Variants in RIT2 observed in about 807,000 individuals in gnomAD.
RIT2 encodes Ras like without CAAX 2.
A neutral mutation model predicts 23.7 loss-of-function variants in RIT2; 24 were observed. The ratio of observed to expected loss-of-function variants is 1.01; its 90% CI spans 0.73 to 1.43. The LOEUF is 1.43. RIT2 is among the 40% of genes most tolerant of loss of function. The pLI is 0.00. For missense variants in RIT2, 236 were observed against 266.9 expected (o/e 0.88, Z 0.81); for synonymous variants, 107 against 91.1 (o/e 1.17, Z -0.99).
intron 4 of RIT2, among the ~76,000 whole-genome samples, chr18:42,836,774 T>A (rs1906617245): frequency 6.6e-6 from 1 of 152,140 alleles, no homozygotes; most frequent in Non-Finnish European, 1.5e-5. Context: ...GTTTCCCATC[T>A]CCCTTCAGAA....
intron 4 of RIT2, among the ~76,000 whole-genome samples, chr18:42,770,125 C>A (rs750898736): frequency 2.0e-5 from 3 of 151,800 alleles, no homozygotes; most frequent in African/African-American, 7.3e-5. Context: ...GGGGCATACA[C>A]GGAGGAAAGG....
At chr18:43,036,775 A>G (rs1045314758) in intron 1 of RIT2, among the ~76,000 whole-genome samples, 6 of 152,184 alleles carry the variant, frequency 3.9e-5, no homozygotes, top group Non-Finnish European at 7.3e-5. Context: ...ATTGATTTGT[A>G]TAAGTTTCTT....
At chr18:42,878,420 C>T (rs1907800409) in intron 4 of RIT2, among the ~76,000 whole-genome samples, 1 of 151,830 alleles carries the variant, frequency 6.6e-6, no homozygotes, top group Non-Finnish European at 1.5e-5. Context: ...GTCTTCATCT[C>T]TTTCTTGTCT....
chr18:42,910,262 T>C (rs760678961), intron 4 of RIT2, among the ~76,000 whole-genome samples: 1 of 152,118 alleles, frequency 6.6e-6, no homozygotes, highest in Non-Finnish European at 1.5e-5. Context: ...TCAGTAATTA[T>C]TTAATTTAAC....
At chr18:42,897,228 C>A in intron 4 of RIT2, among the ~76,000 whole-genome samples, 1 of 152,162 alleles carries the variant, frequency 6.6e-6, no homozygotes, top group East Asian at 1.9e-4. Context: ...CCTCCCAACA[C>A]ACTAGTTACA....
intron 4 of RIT2, among the ~76,000 whole-genome samples, chr18:42,866,367 G>T (rs1907469871): frequency 6.6e-6 from 1 of 152,048 alleles, no homozygotes; most frequent in Non-Finnish European, 1.5e-5. Flanking sequence ...CAGACAAGTG[G>T]TCTGTGAACA....
intron 1 of RIT2, among the ~76,000 whole-genome samples, chr18:43,038,570 C>T (rs779211539): frequency 3.3e-4 from 50 of 151,934 alleles, no homozygotes; most frequent in Non-Finnish European, 6.2e-4. Context: ...TTTGTCTTTT[C>T]CTACAATTTC....
intron 2 of RIT2, among the ~76,000 whole-genome samples, chr18:42,991,725 T>C (rs753645791): frequency 2.0e-5 from 3 of 152,118 alleles, no homozygotes; most frequent in Non-Finnish European, 4.4e-5. Context: ...TGGCTCATCC[T>C]GACTCAAAAG....
chr18:42,744,179 C>G (rs1299607501), intron 4 of RIT2, among the ~76,000 whole-genome samples: 4 of 152,066 alleles, frequency 2.6e-5, no homozygotes, highest in Admixed American at 1.3e-4. Context: ...TATAAAATGG[C>G]CCCACCCCAT....
chr18:42,951,550 C>T lies in RIT2; in HGVS notation c.234+22524G>A, dbSNP rs541105773. 9.2e-4 allele frequency among the ~76,000 whole-genome samples: 140 copies of T among 151,770 alleles called. 1 individual carries two copies. Among genetic ancestry groups the T allele is most frequent in the African/African-American group, 3.1e-3 (130 of 41,376 alleles). On this transcript the variant is annotated intron_variant, in intron 3 of 4. Transcript: ENST00000326695. ...TCACACAATATACCCAGGTAATAAA[C>T]CTGCAAATGTACCCACTGAATCTAA...
chr18:42,852,869 T>G (rs1367832642), intron 4 of RIT2, among the ~76,000 whole-genome samples: 1 of 147,090 alleles, frequency 6.8e-6, no homozygotes, highest in Admixed American at 6.9e-5. Flanking sequence ...AGCCTTTCTC[T>G]GTCTCCCAGG....
intron 3 of RIT2, among the ~76,000 whole-genome samples, chr18:42,967,795 TA>T (rs1361336364): frequency 2.6e-5 from 4 of 151,682 alleles, no homozygotes; most frequent in Non-Finnish European, 5.9e-5. Flanking sequence ...TTAATATTAT[TA>T]TTATACCTAG....
At chr18:42,966,154 C>A (rs1242762150) in intron 3 of RIT2, among the ~76,000 whole-genome samples, 1 of 151,994 alleles carries the variant, frequency 6.6e-6, no homozygotes, top group East Asian at 1.9e-4. Flanking sequence ...TAAGTAGAAA[C>A]CTTTGTAAAT....
chr18:42,775,860 TACAC>T (rs113530360), intron 4 of RIT2, among the ~76,000 whole-genome samples: 2,237 of 148,960 alleles, frequency 0.015, 63 homozygotes, highest in African/African-American at 0.053. Context: ...CACACACACA[TACAC>T]ACACACACAC....
At chr18:43,051,167 C>A (rs894253978) in intron 1 of RIT2, among the ~76,000 whole-genome samples, 3 of 151,920 alleles carry the variant, frequency 2.0e-5, no homozygotes, top group Non-Finnish European at 4.4e-5. Flanking sequence ...TAGAGGAGAC[C>A]CAGTTCACTA....
intron 1 of RIT2, among the ~76,000 whole-genome samples, chr18:43,065,218 G>GTTTT (rs58941113): frequency 1.1e-4 from 9 of 81,630 alleles, no homozygotes; most frequent in East Asian, 3.4e-4. Context: ...ACTTTTTTGG[G>GTTTT]TTTTTTTTTT....
At chr18:42,861,207 A>T (rs113660827) in intron 4 of RIT2, among the ~76,000 whole-genome samples, 3,643 of 152,326 alleles carry the variant, frequency 0.024, 144 homozygotes, top group African/African-American at 0.081. Flanking sequence ...TCAATATTCC[A>T]TATTTATCTC....
intron 1 of RIT2, among the ~76,000 whole-genome samples, chr18:43,080,143 C>T (rs1913122138): frequency 6.6e-6 from 1 of 152,136 alleles, no homozygotes; most frequent in African/African-American, 2.4e-5. Flanking sequence ...ACTTTCAGGC[C>T]ACCAATCTAT....
chr18:42,903,399 T>C (rs537809824), intron 4 of RIT2, among the ~76,000 whole-genome samples: 1 of 152,132 alleles, frequency 6.6e-6, no homozygotes, highest in South Asian at 2.1e-4. Flanking sequence ...TTTTCCATTT[T>C]AAAGAGCTGA....
Sources: allele counts gnomAD v4.1 joint callset (sites outside exome capture counted in the v4.1 genomes callset), GRCh38; gene constraint gnomAD v4.1.1; transcripts MANE v1.5; gene names NCBI Gene and HGNC (gene_info 2026-07-23, HGNC 2026-07-21).